The following TERF2 variants were observed in gnomAD, a reference collection of about 807,000 sequenced individuals.
TERF2 encodes telomeric repeat-binding factor 2.
A neutral mutation model predicts 56.1 loss-of-function variants in TERF2; 16 were observed. That is an observed-to-expected ratio of 0.29 (90% confidence interval 0.19 to 0.43). The LOEUF is 0.43. Ranked by LOEUF, TERF2 falls within the 20% of genes least tolerant of loss-of-function variation. TERF2 has a pLI of 1.00. For missense variants in TERF2, 547 were observed against 712.9 expected (o/e 0.77, Z 2.65); for synonymous variants, 296 against 282.1 (o/e 1.05, Z -0.50).
At chr16:69,370,329 C>T in intron 5 of TERF2, 154 bp downstream of exon 5, 1 of 1,096,074 alleles carries the variant, frequency 9.1e-7, no homozygotes, top group Non-Finnish European at 1.3e-6. Flanking sequence ...TTGCGCCTGG[C>T]CTGCTTTTGC....
chr16:69,360,277 A>T (rs1275450311), intron 8 of TERF2, among the ~76,000 whole-genome samples: 1 of 151,846 alleles, frequency 6.6e-6, no homozygotes, highest in Non-Finnish European at 1.5e-5. Flanking sequence ...CCCAGCTACT[A>T]AGGAGGCTGA....
chr16:69,369,857 C>A (rs1436761403), intron 5 of TERF2, among the ~76,000 whole-genome samples: 1 of 152,182 alleles, frequency 6.6e-6, no homozygotes, highest in East Asian at 1.9e-4. Flanking sequence ...ACCAAACCAC[C>A]CTTCCTCCAA....
At chr16:69,364,350 G>A (rs1008897813) in intron 7 of TERF2, among the ~76,000 whole-genome samples, 1 of 152,068 alleles carries the variant, frequency 6.6e-6, no homozygotes, top group Non-Finnish European at 1.5e-5. Flanking sequence ...CCAATTTGTT[G>A]TATTAGAATT....
chr16:69,372,082 A>T (rs576047771), intron 4 of TERF2, among the ~76,000 whole-genome samples, 187 bp downstream of exon 4: 1 of 152,362 alleles, frequency 6.6e-6, no homozygotes, highest in South Asian at 2.1e-4. Flanking sequence ...CTCTAATAAA[A>T]ACTAAATTTT....
chr16:69,368,652 A>G, intron 5 of TERF2, 170 bp from the exon 6 acceptor site: 5 of 1,506,366 alleles, frequency 3.3e-6, no homozygotes, highest in Non-Finnish European at 4.4e-6. Context: ...TTATAAATCA[A>G]GCTTTTTTTA....
At chr16:69,377,071 C>T (rs2013819484) in intron 3 of TERF2, among the ~76,000 whole-genome samples, 1 of 151,636 alleles carries the variant, frequency 6.6e-6, no homozygotes, top group Non-Finnish European at 1.5e-5. Flanking sequence ...GGTGCGGTGG[C>T]ACATGCCTGT....
chr16:69,358,305 G>A (rs1459740973), intron 8 of TERF2, among the ~76,000 whole-genome samples: 2 of 152,120 alleles, frequency 1.3e-5, no homozygotes, highest in Non-Finnish European at 2.9e-5. Flanking sequence ...GAGCCACCGT[G>A]CCCGGCTAAT....
At chr16:69,371,481 A>G (rs1267481696) in intron 4 of TERF2, among the ~76,000 whole-genome samples, 1 of 148,772 alleles carries the variant, frequency 6.7e-6, no homozygotes, top group Non-Finnish European at 1.5e-5. Context: ...AGCCCGGGCA[A>G]CAGAGCAAGA....
At position 69,367,135 on chromosome 16, in the gene TERF2, A is replaced by T. The variant is rs1281211026; in HGVS notation, c.1012T>A (p.Ser338Thr). 2 of 1,614,194 alleles carry T rather than the reference A, an allele frequency of 1.2e-6. No homozygotes were observed. Residue 338 changes from serine (S) to threonine (T), a missense_variant, in exon 7 of 10, where the codon TCT (serine) becomes ACT (threonine). Ser to Thr is a moderately conservative substitution (Grantham distance 58). This residue lies in a region of TERF2 where 211 missense variants were observed against 236.8 expected (regional missense o/e 0.89). Transcript: ENST00000254942. ...GCTGCCTCAGAATCCTGTGCACCAGACAGAGTCTTGAAAGCTGCTTTCAGA... is the reference window on the plus strand; with the variant it reads ...GCTGCCTCAGAATCCTGTGCACCAGTCAGAGTCTTGAAAGCTGCTTTCAGA... ...MTLKAAFKTL[S>T]GAQDSEAAFA...
Position 69,370,512 on chromosome 16 carries a change from G to C in TERF2, c.811C>G (p.Leu271Val), listed in dbSNP as rs2013527312. The change falls in exon 5 of 10, where the codon CTG becomes GTG. Residue 271 changes from leucine to valine, a missense_variant. By Grantham distance (32) the Leu-to-Val change is conservative. Transcript: ENST00000254942. ...AGGAGGTAGGGCTCGGCGTCATCCA[G>C]GTGGCTCTCCAGGAAGCGCAGCATC... ...QKMLRFLESH[L>V]DDAEPYLLTM... 6.8e-6 allele frequency: 11 copies of C among 1,614,090 alleles called. No homozygotes were observed. Among genetic ancestry groups the C allele is most frequent in the Admixed American group, 1.7e-5 (1 of 60,000 alleles).
At position 69,356,799 on chromosome 16, in the gene TERF2, CAAAA is replaced by C. The variant is rs372147187; in HGVS notation, c.*95_*98del. 1,082 of 1,040,084 alleles carry C rather than the reference CAAAA, an allele frequency of 1.0e-3. No homozygotes were observed. Among genetic ancestry groups the C allele is most frequent in the South Asian group, 1.9e-3 (104 of 54,206 alleles). The allele number at this position is 1,040,084 out of a possible 1,614,324, so 64.4% of individuals were successfully genotyped here. ...TGGGTGACAGAGCGAGACTCTGTCT[CAAAA>C]AAAAAAAAAAAAGAAAAAGAAAGAA... On this transcript the variant is annotated 3_prime_UTR_variant, in exon 10 of 10. Coordinates refer to ENST00000254942, the MANE Select transcript of TERF2 (RefSeq NM_005652.5).
At chr16:69,362,699 T>C (rs1338034904) in intron 7 of TERF2, among the ~76,000 whole-genome samples, 1 of 152,234 alleles carries the variant, frequency 6.6e-6, no homozygotes, top group East Asian at 1.9e-4. Flanking sequence ...CCATTTCTTC[T>C]AATCAACTTT....
At chr16:69,357,423 G>A in intron 9 of TERF2, 95 bp downstream of exon 9, 1 of 998,772 alleles carries the variant, frequency 1.0e-6, no homozygotes, top group South Asian at 1.6e-5. Context: ...GGTTTTTACT[G>A]GGTACATAAC....
At chr16:69,363,917 G>A (rs1039498159) in intron 7 of TERF2, among the ~76,000 whole-genome samples, 6 of 152,140 alleles carry the variant, frequency 3.9e-5, no homozygotes, top group African/African-American at 1.4e-4. Context: ...GGGAGGCAGA[G>A]GTTGCAGTGA....
intron 4 of TERF2, among the ~76,000 whole-genome samples, chr16:69,370,904 A>G (rs2142738778): frequency 1.3e-5 from 2 of 152,300 alleles, no homozygotes; most frequent in Middle Eastern, 6.8e-3. Flanking sequence ...GAAAAAAGCA[A>G]TTTAGAAAAG....
intron 3 of TERF2, among the ~76,000 whole-genome samples, chr16:69,374,348 C>A (rs1447904230): frequency 2.6e-5 from 4 of 151,998 alleles, no homozygotes; most frequent in Admixed American, 2.6e-4. Context: ...CCCTGGCAAC[C>A]ACTGATCCCG....
chr16:69,377,672 A>G (rs1482326879), intron 3 of TERF2, among the ~76,000 whole-genome samples: 1 of 152,100 alleles, frequency 6.6e-6, no homozygotes, highest in Admixed American at 6.6e-5. Flanking sequence ...ACTTACACGT[A>G]TTTCTTTCTG....
intron 3 of TERF2, among the ~76,000 whole-genome samples, chr16:69,380,960 C>T (rs190713514): frequency 7.2e-4 from 109 of 151,870 alleles, no homozygotes; most frequent in African/African-American, 1.5e-3. Context: ...CACCACCACG[C>T]CTGGCTAATT....
chr16:69,375,114 C>A (rs1182274068), intron 3 of TERF2, among the ~76,000 whole-genome samples: 1 of 152,138 alleles, frequency 6.6e-6, no homozygotes, highest in Non-Finnish European at 1.5e-5. Flanking sequence ...TGTTGTTGGG[C>A]AGTATTCCAT....
Sources: gnomAD v4.1 joint callset for allele counts (sites outside exome capture counted in the v4.1 genomes callset) on GRCh38, gnomAD v4.1.1 for gene constraint, gnomAD v4.1.1 regional missense constraint, MANE v1.5 for transcripts, NCBI Gene and HGNC (gene_info 2026-07-23, HGNC 2026-07-21) for gene names.